The following PDCD6IP variants were observed in gnomAD, a reference collection of about 807,000 sequenced individuals.
PDCD6IP encodes the protein programmed cell death 6 interacting protein, also known as programmed cell death 6-interacting protein.
A neutral mutation model predicts 103.7 loss-of-function variants in PDCD6IP; 43 were observed. The observed-to-expected ratio is 0.41, with a 90% confidence interval of 0.32 to 0.53. The LOEUF (loss-of-function observed/expected upper bound fraction) is 0.53, where lower values mean the gene tolerates loss of function less well. Ranked by LOEUF, PDCD6IP falls within the 20% of genes least tolerant of loss-of-function variation. The pLI is 0.16. For missense variants in PDCD6IP, 871 were observed against 1,036.7 expected (o/e 0.84, Z 2.20); for synonymous variants, 354 against 378.7 (o/e 0.93, Z 0.76).
At chr3:33,856,169 C>T (rs1411565516) in intron 15 of PDCD6IP, among the ~76,000 whole-genome samples, 1 of 152,182 alleles carries the variant, frequency 6.6e-6, no homozygotes, top group African/African-American at 2.4e-5. Context: ...CAGTTTCATC[C>T]TGAAATCATC....
intron 1 of PDCD6IP, among the ~76,000 whole-genome samples, chr3:33,802,884 C>T (rs901928842): frequency 4.6e-5 from 7 of 152,178 alleles, no homozygotes; most frequent in Admixed American, 3.3e-4. Context: ...CATACCTTCT[C>T]GTTCCAGCCT....
At chr3:33,866,292 T>C in intron 17 of PDCD6IP, 59 bp from the exon 18 acceptor site, 2 of 1,034,732 alleles carry the variant, frequency 1.9e-6, no homozygotes, top group Non-Finnish European at 2.7e-6. Context: ...AGAATGATTA[T>C]TGTTTTATTT....
chr3:33,857,331 C>T (rs1338078540), intron 15 of PDCD6IP, among the ~76,000 whole-genome samples: 1 of 151,994 alleles, frequency 6.6e-6, no homozygotes, highest in African/African-American at 2.4e-5. Context: ...CAGGTGTGCA[C>T]CACCACGCCT....
intron 4 of PDCD6IP, among the ~76,000 whole-genome samples, chr3:33,824,764 G>C (rs2125555876): frequency 6.6e-6 from 1 of 152,348 alleles, no homozygotes; most frequent in South Asian, 2.1e-4. Flanking sequence ...CTAGGTGTAT[G>C]TACTACCTGG....
intron 15 of PDCD6IP, among the ~76,000 whole-genome samples, chr3:33,861,573 T>G (rs1697956071): frequency 1.3e-5 from 2 of 152,254 alleles, no homozygotes; most frequent in Non-Finnish European, 1.5e-5. Context: ...TATGCAGTGC[T>G]GTTGGGTATA....
In PDCD6IP at chr3:33,798,683, G is replaced by C. The variant is rs776725231; in HGVS notation, c.-46G>C. ...ACCTCTCTCTCCTCGGCCCTCGTAA[G>C]CTGTCCGCGGTCTGTTTGGCCCGAA... On this transcript the variant is annotated 5_prime_UTR_variant, in exon 1 of 18. Transcript: ENST00000307296. The C allele has an allele frequency of 2.0e-5, 30 of 1,478,836 alleles. No individual in the cohort carries two copies. The highest frequency in any genetic ancestry group is 2.8e-5 in the African/African-American group (2 of 71,366). 91.6% of individuals were successfully genotyped at this position (1,478,836 alleles called of 1,614,324 possible).
In PDCD6IP at chr3:33,801,639, AC is replaced by A. The variant is rs1177932110; in HGVS notation, c.209+2703del. 2.7e-5 allele frequency among the ~76,000 whole-genome samples: 4 copies of A among 145,748 alleles called. No individual in the cohort carries two copies. The South Asian group carries it at 8.9e-4, about 32-fold the overall frequency. On this transcript the variant is annotated intron_variant, in intron 1 of 17. Transcript: ENST00000307296. The stretch of plus-strand genomic sequence containing the variant: ...CGCTGTCTCAAAACAAAACAAAACA[AC>A]AACAACAAAAAACCCTTTTATATGA...
chr3:33,844,385 A>G (rs1027374293), intron 11 of PDCD6IP, among the ~76,000 whole-genome samples, 162 bp downstream of exon 11: 3 of 152,244 alleles, frequency 2.0e-5, no homozygotes, highest in Non-Finnish European at 4.4e-5. Flanking sequence ...TAATCTGCCA[A>G]TTGTCAGAAG....
In PDCD6IP at chr3:33,844,117, A is replaced by G. The variant is rs1181192966; in HGVS notation, c.1365A>G (p.Leu455=). 1.3e-6 allele frequency: 2 copies of G among 1,586,856 alleles called. No individual in the cohort carries two copies. The highest frequency in any genetic ancestry group is 1.7e-6 in the Non-Finnish European group (2 of 1,168,986). The change falls in exon 11 of 18, where the codon TTA becomes TTG. Residue 455 remains leucine, a synonymous_variant. Coordinates refer to ENST00000307296, the MANE Select transcript of PDCD6IP (RefSeq NM_013374.6). ...QRNREILDES[L]RLLDEEEATD... ...CTTTTTGCTTCCTTTTAAAGTCATTAAGGTTGTTGGATGAAGAAGAAGCAA... is the reference window on the plus strand; with the variant it reads ...CTTTTTGCTTCCTTTTAAAGTCATTGAGGTTGTTGGATGAAGAAGAAGCAA...
At chr3:33,822,712 G>A (rs994576817) in intron 4 of PDCD6IP, among the ~76,000 whole-genome samples, 4 of 152,144 alleles carry the variant, frequency 2.6e-5, no homozygotes, top group South Asian at 2.1e-4. Flanking sequence ...CTGGAGTGCA[G>A]TGGCACAATC....
rs777800285 is a variant in PDCD6IP, at chr3:33,852,755, A to G, written c.1890+19A>G. The G allele has an allele frequency of 2.5e-6, 4 of 1,573,150 alleles. No homozygotes were observed. The highest frequency in any genetic ancestry group is 3.4e-6 in the Non-Finnish European group (4 of 1,165,050). Reference sequence around the variant, plus strand: ...TATTCAGGTGAAATTTATATATTTAATAAGATCTGTGTTTTAAAAATTACA... The same window carrying G: ...TATTCAGGTGAAATTTATATATTTAGTAAGATCTGTGTTTTAAAAATTACA... On this transcript the variant is annotated intron_variant, in intron 13 of 17. Coordinates refer to ENST00000307296, the MANE Select transcript of PDCD6IP (RefSeq NM_013374.6).
At chr3:33,839,806 G>T (rs1259469993) in intron 9 of PDCD6IP, among the ~76,000 whole-genome samples, 1 of 152,192 alleles carries the variant, frequency 6.6e-6, no homozygotes, top group Non-Finnish European at 1.5e-5. Flanking sequence ...TAGTGTGTGT[G>T]TAGCAGAATC....
intron 3 of PDCD6IP, among the ~76,000 whole-genome samples, chr3:33,815,470 G>A (rs557555248): frequency 2.7e-4 from 41 of 152,232 alleles, no homozygotes; most frequent in African/African-American, 9.9e-4. Context: ...GAAAGATTAC[G>A]TGATTTTCTG....
In PDCD6IP at chr3:33,798,839, C is replaced by T; in HGVS notation, c.111C>T (p.Ala37=). 1 of 1,556,866 alleles carries T rather than the reference C, an allele frequency of 6.4e-7. No individual in the cohort carries two copies. Among genetic ancestry groups the T allele is most frequent in the Non-Finnish European group, 8.7e-7 (1 of 1,150,336 alleles). Residue 37 remains alanine, a synonymous_variant, in exon 1 of 18, where the codon GCC becomes GCT. Transcript: ENST00000307296. ...QTYPSGGEEQ[A]QYCRAAEELS... ...ACCCAAGCGGCGGGGAAGAGCAGGC[C>T]CAGTACTGCCGCGCGGCGGAGGAGC...
intron 1 of PDCD6IP, among the ~76,000 whole-genome samples, chr3:33,801,210 G>A (rs937999470): frequency 3.9e-5 from 6 of 152,202 alleles, no homozygotes; most frequent in Non-Finnish European, 8.8e-5. Context: ...TGAATCAGTT[G>A]TGTGATGTTC....
At chr3:33,838,485 A>G (rs1056866686) in intron 9 of PDCD6IP, among the ~76,000 whole-genome samples, 158 bp downstream of exon 9, 8 of 152,230 alleles carry the variant, frequency 5.3e-5, no homozygotes, top group Admixed American at 2.6e-4. Context: ...CACTGTATTT[A>G]TGAAGCTCTA....
chr3:33,826,885 T>C, intron 6 of PDCD6IP: 1 of 1,108,380 alleles, frequency 9.0e-7, no homozygotes, highest in Non-Finnish European at 1.1e-6. Context: ...TGTGTAGTTC[T>C]GAATCATTGG....
In PDCD6IP at chr3:33,869,363, C is replaced by T. The variant is rs1419781260; in HGVS notation, c.*2838C>T. 1 of 151,902 alleles carries T rather than the reference C, an allele frequency of 6.6e-6. No individual in the cohort carries two copies. The highest frequency in any genetic ancestry group is 6.6e-5 in the Admixed American group (1 of 15,258). The allele number at this position is 151,902 out of a possible 1,614,324, so 9.4% of individuals were successfully genotyped here. A position where few individuals can be genotyped will look rare whatever the true frequency, so the allele number is the denominator to read the frequency against. ...TTATTAGTTGATTCACAGTACAGAA[C>T]AAGGTATAAAGGAAAAAACCCTGCT... On this transcript the variant is annotated 3_prime_UTR_variant, in exon 18 of 18. Transcript: ENST00000307296.
At chr3:33,806,150 GTTA>G (rs1381628666) in intron 1 of PDCD6IP, among the ~76,000 whole-genome samples, 4 of 152,152 alleles carry the variant, frequency 2.6e-5, no homozygotes, top group Non-Finnish European at 5.9e-5. Flanking sequence ...TTTAAGTTGA[GTTA>G]TTATATATTT....
Sources: gnomAD v4.1 joint callset for allele counts (sites outside exome capture counted in the v4.1 genomes callset) on GRCh38, gnomAD v4.1.1 for gene constraint, MANE v1.5 for transcripts, NCBI Gene and HGNC (gene_info 2026-07-23, HGNC 2026-07-21) for gene names.